The following ADAMTS12 variants were observed in gnomAD, a reference collection of about 807,000 sequenced individuals.
ADAMTS12 encodes A disintegrin and metalloproteinase with thrombospondin motifs 12.
ADAMTS12 carries 118 observed loss-of-function variants against 167.8 expected under a neutral mutation model. The observed-to-expected ratio is 0.70, with a 90% CI of 0.61 to 0.82. The LOEUF (loss-of-function observed/expected upper bound fraction) is 0.82. ADAMTS12 is among the 40% of genes least tolerant of loss of function. The probability of loss-of-function intolerance (pLI) is 0.00; values close to 1 mark genes in which losing one functional copy is unlikely to be tolerated. For missense variants in ADAMTS12, 1,916 were observed against 1,998.8 expected, an observed-to-expected ratio of 0.96 and a Z score of 0.79; for synonymous variants, 704 against 716.9, an observed-to-expected ratio of 0.98 and a Z score of 0.29.
intron 2 of ADAMTS12, among the ~76,000 whole-genome samples, chr5:33,866,397 T>TC (rs1334517506): frequency 6.6e-6 from 1 of 152,072 alleles, no homozygotes; most frequent in Non-Finnish European, 1.5e-5. Flanking sequence ...GAGCCACATA[T>TC]AGAAGAATTA....
chr5:33,527,145 A>G lies in ADAMTS12; in HGVS notation c.*43T>C, dbSNP rs767776792. ...CCCAGGGCTAAAGCATGTCATGGTC[A>G]GCAGGCTGCTGCAGTCTGGTGGAAG... On this transcript the variant is annotated 3_prime_UTR_variant, in exon 24 of 24. Coordinates refer to ENST00000504830, the MANE Select transcript of ADAMTS12 (RefSeq NM_030955.4). 10 of 1,608,786 alleles carry G rather than the reference A, an allele frequency of 6.2e-6. No homozygotes were observed. In the Admixed American group the frequency reaches 1.3e-4, roughly 22 times the overall value.
At chr5:33,742,330 TAAAAA>T (rs3037104) in intron 3 of ADAMTS12, among the ~76,000 whole-genome samples, 3 of 134,752 alleles carry the variant, frequency 2.2e-5, no homozygotes, top group Admixed American at 7.4e-5. Flanking sequence ...TCCTTCCCCG[TAAAAA>T]AAAAAAAAAA....
At chr5:33,730,979 T>C (rs1579883505) in intron 3 of ADAMTS12, among the ~76,000 whole-genome samples, 2 of 152,124 alleles carry the variant, frequency 1.3e-5, no homozygotes, top group Admixed American at 6.6e-5. Flanking sequence ...ACTTAACTAT[T>C]TGGGAGATCT....
intron 12 of ADAMTS12, among the ~76,000 whole-genome samples, chr5:33,631,740 A>G (rs4639236): frequency 0.52 from 78,475 of 152,166 alleles, 21,769 homozygotes; most frequent in Non-Finnish European, 0.61. Context: ...GAAGAATTCA[A>G]ATAATAATTT....
At chr5:33,875,352 A>C (rs941140354) in intron 2 of ADAMTS12, among the ~76,000 whole-genome samples, 5 of 152,234 alleles carry the variant, frequency 3.3e-5, no homozygotes, top group African/African-American at 1.2e-4. Flanking sequence ...GTGTCAACAT[A>C]TATTCATCAA....
At chr5:33,775,934 G>A (rs756875074) in intron 2 of ADAMTS12, among the ~76,000 whole-genome samples, 1 of 152,202 alleles carries the variant, frequency 6.6e-6, no homozygotes, top group Non-Finnish European at 1.5e-5. Context: ...TCTGCCATAT[G>A]AGGACACCTT....
intron 21 of ADAMTS12, among the ~76,000 whole-genome samples, chr5:33,547,716 C>A (rs534084344): frequency 6.6e-6 from 1 of 152,062 alleles, no homozygotes; most frequent in African/African-American, 2.4e-5. Flanking sequence ...TTCCTGATGG[C>A]GATCCGAGAA....
In ADAMTS12 at chr5:33,582,254, A is replaced by G. The variant is rs73758601; in HGVS notation, c.2866-5094T>C. Among the ~76,000 whole-genome samples, 799 of 152,304 alleles carry G rather than the reference A, an allele frequency of 5.2e-3. 11 individuals carry two copies. Among genetic ancestry groups the G allele is most frequent in the African/African-American group, 0.019 (773 of 41,568 alleles). ...ACAGAGGTGCCCATATCTGTTCCCC[A>G]GGAACCCTGGCAGAGCACAGGCTAC... is the stretch of plus-strand genomic sequence containing the variant. On this transcript the variant is annotated intron_variant, in intron 18 of 23. Coordinates refer to ENST00000504830, the MANE Select transcript of ADAMTS12 (RefSeq NM_030955.4).
At chr5:33,870,456 T>C (rs1749997395) in intron 2 of ADAMTS12, among the ~76,000 whole-genome samples, 1 of 152,230 alleles carries the variant, frequency 6.6e-6, no homozygotes, top group African/African-American at 2.4e-5. Context: ...ATTTATGTTC[T>C]TCTGTCATGG....
chr5:33,836,003 A>C (rs1748512208), intron 2 of ADAMTS12, among the ~76,000 whole-genome samples: 1 of 150,712 alleles, frequency 6.6e-6, no homozygotes, highest in African/African-American at 2.5e-5. Flanking sequence ...GACCCAAATA[A>C]GGGAAATAGG....
intron 3 of ADAMTS12, among the ~76,000 whole-genome samples, chr5:33,744,001 T>G (rs1044519585): frequency 6.6e-6 from 1 of 152,086 alleles, no homozygotes; most frequent in Non-Finnish European, 1.5e-5. Context: ...TGGCTCCATA[T>G]AGGTAAAATA....
At chr5:33,856,605 T>C (rs2910638) in intron 2 of ADAMTS12, among the ~76,000 whole-genome samples, 3,049 of 150,202 alleles carry the variant, frequency 0.02, 146 homozygotes, top group East Asian at 0.2. Flanking sequence ...TTTTAAAGGA[T>C]TTCTCAAAAA....
chr5:33,655,485 T>G (rs1741019711), intron 7 of ADAMTS12, among the ~76,000 whole-genome samples: 1 of 152,050 alleles, frequency 6.6e-6, no homozygotes, highest in African/African-American at 2.4e-5. Flanking sequence ...GAGTGGAAGC[T>G]GAGATAATGA....
intron 3 of ADAMTS12, among the ~76,000 whole-genome samples, chr5:33,697,967 T>C (rs207465894): frequency 6.6e-6 from 1 of 152,370 alleles, no homozygotes; most frequent in African/African-American, 2.4e-5. Flanking sequence ...TGAATTTCCT[T>C]AGAATTTTAA....
intron 21 of ADAMTS12, among the ~76,000 whole-genome samples, chr5:33,547,040 C>T (rs1278732753): frequency 1.3e-5 from 2 of 152,242 alleles, no homozygotes; most frequent in African/African-American, 2.4e-5. Context: ...AAAGAACTAA[C>T]GTAGTGCCTT....
intron 2 of ADAMTS12, among the ~76,000 whole-genome samples, chr5:33,855,766 C>T (rs189484613): frequency 1.4e-4 from 22 of 152,076 alleles, no homozygotes; most frequent in East Asian, 7.7e-4. Context: ...CTCTATTGCC[C>T]GGGCTAGAGA....
rs1480132936 is a variant in ADAMTS12, at chr5:33,683,892, A to T, written c.798T>A (p.Asn266Lys). 1 of 1,583,596 alleles carries T rather than the reference A, an allele frequency of 6.3e-7. No individual in the cohort carries two copies. Among genetic ancestry groups the T allele is most frequent in the Non-Finnish European group, 8.6e-7 (1 of 1,164,700 alleles). ...TGATGGTGAGGATGTAGGACTCCAC[A>T]TTCTCACTCCCATGGTATTCAATCA... ...TKMIEYHGSE[N>K]VESYILTIMN... Residue 266 changes from asparagine to lysine, a missense_variant, in exon 4 of 24, where the codon AAT (asparagine) becomes AAA (lysine). By Grantham distance (94) the Asn-to-Lys change is moderately conservative. Transcript: ENST00000504830.
chr5:33,877,450 C>T (rs1750269223), intron 2 of ADAMTS12, among the ~76,000 whole-genome samples: 1 of 152,266 alleles, frequency 6.6e-6, no homozygotes, highest in Non-Finnish European at 1.5e-5. Context: ...CTCCTGGCAA[C>T]AGCAAAACCA....
At chr5:33,863,290 A>G (rs1220506498) in intron 2 of ADAMTS12, among the ~76,000 whole-genome samples, 4 of 152,224 alleles carry the variant, frequency 2.6e-5, no homozygotes, top group African/African-American at 9.6e-5. Context: ...ATATTTAGAA[A>G]ACCCCATTGT....
Sources: allele counts gnomAD v4.1 joint callset (sites outside exome capture counted in the v4.1 genomes callset), GRCh38; gene constraint gnomAD v4.1.1; transcripts MANE v1.5; gene names NCBI Gene and HGNC (gene_info 2026-07-23, HGNC 2026-07-21).